SRGAP1: variants seen among roughly 807,000 people sequenced by gnomAD.
The protein encoded by SRGAP1 is SLIT-ROBO Rho GTPase-activating protein 1.
In SRGAP1, 43 loss-of-function variants were observed where a neutral mutation model predicts 121.9. The ratio of observed to expected loss-of-function variants is 0.35; its 90% CI spans 0.28 to 0.46. The LOEUF (loss-of-function observed/expected upper bound fraction) is 0.46. SRGAP1 is among the 20% of genes least tolerant of loss of function. The probability of loss-of-function intolerance (pLI) is 1.00; values close to 1 mark genes in which losing one functional copy is unlikely to be tolerated. For missense variants in SRGAP1, 1,102 were observed against 1,350.9 expected (o/e 0.82, Z 2.89); for synonymous variants, 447 against 485.4 (o/e 0.92, Z 1.04).
intron 6 of SRGAP1, among the ~76,000 whole-genome samples, chr12:64,044,091 G>A (rs968953674): frequency 6.6e-6 from 1 of 152,162 alleles, no homozygotes; most frequent in African/African-American, 2.4e-5. Flanking sequence ...ATTTACAGAT[G>A]TAACTAAGTC....
intron 15 of SRGAP1, among the ~76,000 whole-genome samples, chr12:64,105,257 T>A (rs1342630353): frequency 1.3e-5 from 2 of 152,220 alleles, no homozygotes; most frequent in Non-Finnish European, 2.9e-5. Flanking sequence ...TTTTTAAGGC[T>A]GAATAATACT....
intron 2 of SRGAP1, among the ~76,000 whole-genome samples, chr12:63,987,830 A>G (rs925076139): frequency 6.6e-6 from 1 of 152,260 alleles, no homozygotes; most frequent in Non-Finnish European, 1.5e-5. Flanking sequence ...CCAGCCCGTG[A>G]TAAAACAGCT....
rs2136662729 is a variant in SRGAP1, at chr12:64,149,216, A to G, written c.*6544A>G. ...AATTGTTTTCCCAAACTATGACGGA[A>G]TAATGTTGAACTAACCTGTTGACCG... On this transcript the variant is annotated 3_prime_UTR_variant, in exon 22 of 22. Coordinates refer to ENST00000355086, the MANE Select transcript of SRGAP1 (RefSeq NM_020762.4). The G allele has an allele frequency of 6.6e-6, 1 of 152,348 alleles. No homozygotes were observed. The highest frequency in any genetic ancestry group is 6.5e-5 in the Admixed American group (1 of 15,308). 9.4% of individuals were successfully genotyped at this position (152,348 alleles called of 1,614,324 possible). A position where few individuals can be genotyped will look rare whatever the true frequency, so the allele number is the denominator to read the frequency against.
chr12:63,927,441 T>C (rs1053712408), intron 1 of SRGAP1, among the ~76,000 whole-genome samples: 1 of 152,244 alleles, frequency 6.6e-6, no homozygotes, highest in African/African-American at 2.4e-5. Flanking sequence ...AGTCAGCAGA[T>C]GGAGGTGGCA....
At chr12:64,046,408 G>C (rs995761250) in intron 6 of SRGAP1, among the ~76,000 whole-genome samples, 2 of 152,144 alleles carry the variant, frequency 1.3e-5, no homozygotes, top group African/African-American at 2.4e-5. Context: ...AGGAGGACAC[G>C]AGTGAAAACA....
At chr12:64,116,377 T>C (rs915656358) in intron 18 of SRGAP1, among the ~76,000 whole-genome samples, 4 of 152,006 alleles carry the variant, frequency 2.6e-5, no homozygotes, top group African/African-American at 4.8e-5. Context: ...AAAAGACTTA[T>C]TGTTTCCTTT....
At chr12:63,993,827 A>G (rs894475670) in intron 3 of SRGAP1, among the ~76,000 whole-genome samples, 2 of 152,036 alleles carry the variant, frequency 1.3e-5, no homozygotes, top group Non-Finnish European at 2.9e-5. Context: ...TTATAGACAT[A>G]GTTGCCTAAA....
chr12:64,038,153 TATTTC>T (rs2034938316), intron 4 of SRGAP1, among the ~76,000 whole-genome samples: 1 of 152,204 alleles, frequency 6.6e-6, no homozygotes, highest in Admixed American at 6.6e-5. Context: ...TAAAGGTACT[TATTTC>T]ATAAGAGTTT....
At chr12:63,998,789 G>T (rs904061572) in intron 3 of SRGAP1, among the ~76,000 whole-genome samples, 1 of 152,110 alleles carries the variant, frequency 6.6e-6, no homozygotes, top group Non-Finnish European at 1.5e-5. Flanking sequence ...GCACATACTT[G>T]CAGGAATAAG....
chr12:64,015,641 T>C (rs2034382555), intron 3 of SRGAP1, among the ~76,000 whole-genome samples: 1 of 152,236 alleles, frequency 6.6e-6, no homozygotes, highest in Admixed American at 6.5e-5. Flanking sequence ...CCTGACCCAA[T>C]GACCTCATGT....
At chr12:63,980,133 G>A (rs1276314676) in intron 1 of SRGAP1, among the ~76,000 whole-genome samples, 1 of 152,152 alleles carries the variant, frequency 6.6e-6, no homozygotes, top group Admixed American at 6.6e-5. Context: ...CTCCACTATT[G>A]CCTCAAGCTC....
At chr12:63,899,226 A>G (rs1900850343) in intron 1 of SRGAP1, among the ~76,000 whole-genome samples, 1 of 152,058 alleles carries the variant, frequency 6.6e-6, no homozygotes, top group Admixed American at 6.5e-5. Flanking sequence ...TACAAAAAAT[A>G]CAAAAATTAG....
At chr12:64,100,264 G>C (rs1325297790) in intron 15 of SRGAP1, among the ~76,000 whole-genome samples, 1 of 152,144 alleles carries the variant, frequency 6.6e-6, no homozygotes, top group East Asian at 1.9e-4. Context: ...ATTAACTCAC[G>C]TGAATTTAGA....
intron 6 of SRGAP1, among the ~76,000 whole-genome samples, chr12:64,049,624 G>A (rs890015729): frequency 6.6e-6 from 1 of 152,112 alleles, no homozygotes; most frequent in African/African-American, 2.4e-5. Context: ...GATTTCGGTG[G>A]GGACACAGCC....
intron 1 of SRGAP1, among the ~76,000 whole-genome samples, chr12:63,903,612 A>G (rs988818773): frequency 2.0e-5 from 3 of 148,440 alleles, no homozygotes; most frequent in Admixed American, 6.7e-5. Context: ...CTGGAGTGCA[A>G]TGGCAATGGC....
At chr12:63,981,642 A>G (rs2033250606) in intron 1 of SRGAP1, among the ~76,000 whole-genome samples, 1 of 152,220 alleles carries the variant, frequency 6.6e-6, no homozygotes, top group Non-Finnish European at 1.5e-5. Context: ...TGCTGTTCAT[A>G]GTAGTTAAAA....
intron 1 of SRGAP1, among the ~76,000 whole-genome samples, chr12:63,861,012 C>G (rs1488656102): frequency 6.6e-6 from 1 of 151,890 alleles, no homozygotes; most frequent in Admixed American, 6.6e-5. Context: ...TTTTACTTTT[C>G]TCATGGGTCT....
chr12:63,856,131 G>A (rs374424792), intron 1 of SRGAP1, among the ~76,000 whole-genome samples: 3 of 152,046 alleles, frequency 2.0e-5, no homozygotes, highest in African/African-American at 7.2e-5. Context: ...GGTGGCAGGC[G>A]CTGGTAATCC....
chr12:63,919,513 TATATATATACACATAC>T (rs953940680), intron 1 of SRGAP1, among the ~76,000 whole-genome samples: 2 of 148,578 alleles, frequency 1.3e-5, no homozygotes, highest in African/African-American at 5.1e-5. Flanking sequence ...TATATATATA[TATATATATACACATAC>T]ACACACACAC....
Sources: allele counts gnomAD v4.1 joint callset (sites outside exome capture counted in the v4.1 genomes callset), GRCh38; gene constraint gnomAD v4.1.1; transcripts MANE v1.5; gene names NCBI Gene and HGNC (gene_info 2026-07-23, HGNC 2026-07-21).